PRDX3: variants seen among roughly 807,000 people sequenced by gnomAD.
PRDX3 encodes thioredoxin-dependent peroxide reductase, mitochondrial.
Under a neutral mutation model 30.4 loss-of-function variants are expected in PRDX3, and 20 were observed. The observed-to-expected ratio is 0.66, with a 90% CI of 0.46 to 0.96. The LOEUF is 0.96. Among genes scored for constraint, PRDX3 ranks in the 40% least tolerant of loss-of-function variants. PRDX3 has a pLI of 0.00. For synonymous variants in PRDX3, 124 were observed against 117.8 expected (o/e 1.05, Z -0.34); for missense variants, 322 against 318.3 (o/e 1.01, Z -0.09).
chr10:119,174,765 T>C (rs114062867), intron 2 of PRDX3, 173 bp from the exon 3 acceptor site: 378 of 602,740 alleles, frequency 6.3e-4, no homozygotes, highest in African/African-American at 4.3e-3. Flanking sequence ...TGTGGGGGGA[T>C]TGGTTCTAGG....
At position 119,172,416 on chromosome 10, in the gene PRDX3, C is replaced by T. The variant is rs11554923; in HGVS notation, c.517G>A (p.Gly173Ser). 9 of 1,613,912 alleles carry T rather than the reference C, an allele frequency of 5.6e-6. No homozygotes were observed. Among genetic ancestry groups the T allele is most frequent in the African/African-American group, 4.0e-5 (3 of 74,910 alleles). ...AGACCAGAACCTTCTAACAGCACAC[C>T]GTAGTCTCGGGAAATCTGCTTAGTT... ...DLTKQISRDYGVLLEGSGLAL... is the reference protein window; with the variant it reads ...DLTKQISRDYSVLLEGSGLAL... Residue 173 changes from glycine (G) to serine (S), a missense_variant, in exon 5 of 7, where the codon GGT becomes AGT. Coordinates refer to ENST00000298510, the MANE Select transcript of PRDX3 (RefSeq NM_006793.5).
chr10:119,175,453 T>C (rs1848003924), intron 2 of PRDX3, among the ~76,000 whole-genome samples: 1 of 152,186 alleles, frequency 6.6e-6, no homozygotes, highest in African/African-American at 2.4e-5. Flanking sequence ...TGGAGTGCAG[T>C]GGCACAATCT....
intron 5 of PRDX3, 52 bp from the exon 6 acceptor site, chr10:119,169,394 A>C: frequency 6.9e-7 from 1 of 1,451,822 alleles, no homozygotes; most frequent in Non-Finnish European, 9.4e-7. Context: ...GAACTAGAAC[A>C]GTCTAACTTC....
rs774475347 is a variant in PRDX3 at position 119,173,797 on chromosome 10, A to G, written c.387T>C (p.Val129=). Residue 129 remains valine (V), a synonymous_variant, in exon 4 of 7, where the codon GTT becomes GTC. Transcript: ENST00000298510. ...ANEFHDVNCE[V]VAVSVDSHFS... ...AGTGGGAATCCACTGAGACTGCGAC[A>G]ACTTCACAGTTCACGTCGTGAAATT... 1.9e-5 allele frequency: 30 copies of G among 1,612,850 alleles called. No individual in the cohort carries two copies. Among genetic ancestry groups the G allele is most frequent in the Admixed American group, 5.0e-5 (3 of 60,008 alleles).
chr10:119,177,815 TAAAC>T (rs990665009), intron 1 of PRDX3, among the ~76,000 whole-genome samples: 1 of 150,418 alleles, frequency 6.6e-6, no homozygotes, highest in African/African-American at 2.5e-5. Flanking sequence ...CAGCGACAAG[TAAAC>T]AAGAAGAGCC....
At chr10:119,173,328 G>A (rs781089092) in intron 4 of PRDX3, among the ~76,000 whole-genome samples, 4 of 152,188 alleles carry the variant, frequency 2.6e-5, no homozygotes, top group Non-Finnish European at 5.9e-5. Flanking sequence ...ACCTTGAGTA[G>A]GCCAGGTGTG....
At chr10:119,170,984 A>G (rs927594115) in intron 5 of PRDX3, 1 of 152,216 alleles carries the variant, frequency 6.6e-6, no homozygotes, top group African/African-American at 2.4e-5. Flanking sequence ...GTAACCCAAG[A>G]AAGAGCAGGC....
rs1847803026 is a variant in PRDX3 at position 119,167,853 on chromosome 10, A to G, written c.*627T>C. 6.6e-6 allele frequency: 1 copy of G among 152,280 alleles called. No individual in the cohort carries two copies. Among genetic ancestry groups the G allele is most frequent in the Non-Finnish European group, 1.5e-5 (1 of 68,054 alleles). The allele number at this position is 152,280 out of a possible 1,614,324, so 9.4% of individuals were successfully genotyped here. ...CGATTACACTAATCAATATCTAGAA[A>G]TATACATAGACAAAGTTAGCTAATG... On this transcript the variant is annotated 3_prime_UTR_variant, in exon 7 of 7. Transcript: ENST00000298510.
chr10:119,174,631 G>A lies in PRDX3; in HGVS notation c.170-39C>T, dbSNP rs750812234. On this transcript the variant is annotated intron_variant, in intron 2 of 6. Transcript: ENST00000298510. ...CACACTCATATGGAGTTCATCATTT[G>A]CTATGTCAAGCACCTATGATTTTAT... is the stretch of plus-strand genomic sequence containing the variant. The A allele has an allele frequency of 7.2e-6, 11 of 1,530,878 alleles. No individual in the cohort carries two copies. The African/African-American group carries it at 8.4e-5, about 12-fold the overall frequency. The allele number at this position is 1,530,878 out of a possible 1,614,324, so 94.8% of individuals were successfully genotyped here. A position where few individuals can be genotyped will look rare whatever the true frequency, so the allele number is the denominator to read the frequency against.
chr10:119,171,912 C>T (rs947368167), intron 5 of PRDX3, among the ~76,000 whole-genome samples: 3 of 152,304 alleles, frequency 2.0e-5, no homozygotes, highest in Middle Eastern at 3.4e-3. Context: ...AGTCTGATGG[C>T]TTCAATGTCA....
rs2133647601 is a variant in PRDX3 at position 119,168,544 on chromosome 10, A to G, written c.718-11T>C. 3 of 1,613,460 alleles carry G rather than the reference A, an allele frequency of 1.9e-6. No homozygotes were observed. Among genetic ancestry groups the G allele is most frequent in the South Asian group, 1.1e-5 (1 of 91,020 alleles). ...TGGACTTGGCTTGATCTGAAAATAC[A>G]AAAGCTTAATTAGGTAACTGTGACT... On this transcript the variant is annotated splice_polypyrimidine_tract_variant and intron_variant, in intron 6 of 6. Transcript: ENST00000298510.
chr10:119,177,103 G>A lies in PRDX3; in HGVS notation c.87C>T (p.Ala29=). Residue 29 remains alanine, a synonymous_variant, in exon 2 of 7, where the codon GCC becomes GCT. Transcript: ENST00000298510. ...TTCTTCCACATGCAGCAGGCCTGAG[G>A]GCTGCAGTGGCAGAAATGCCCCAAG... ...AIPWGISATA[A]LRPAACGRTS... is the part of the protein sequence containing the mutation. The A allele has an allele frequency of 6.2e-7, 1 of 1,613,768 alleles. No individual in the cohort carries two copies. Among genetic ancestry groups the A allele is most frequent in the South Asian group, 1.1e-5 (1 of 91,064 alleles).
At chr10:119,174,361 A>G (rs564770712) in intron 3 of PRDX3, 90 bp downstream of exon 3, 1,065 of 1,403,594 alleles carry the variant, frequency 7.6e-4, no homozygotes, top group Non-Finnish European at 9.4e-4. Context: ...TCCTTTCACA[A>G]GGGTATCTAG....
In PRDX3 at chr10:119,177,054, A is replaced by C. The variant is rs550590484; in HGVS notation, c.136T>G (p.Ser46Ala). 8 of 1,614,136 alleles carry C rather than the reference A, an allele frequency of 5.0e-6. No homozygotes were observed. In the South Asian group the frequency reaches 7.7e-5, roughly 16 times the overall value. ...GRTSLTNLLC[S>A]GSSQAKLFST... is the part of the protein sequence containing the mutation. ...AATAATTTTGCTTGACTGGAACCAG[A>C]ACACAATAAATTTGTCAAGCTCGTT... Residue 46 changes from serine (S) to alanine (A), a missense_variant, in exon 2 of 7, where the codon TCT becomes GCT. By Grantham distance (99) the Ser-to-Ala change is moderately conservative. Transcript: ENST00000298510.
At chr10:119,174,358 A>G in intron 3 of PRDX3, 93 bp downstream of exon 3, 1 of 1,399,178 alleles carries the variant, frequency 7.1e-7, no homozygotes, top group Admixed American at 2.4e-5. Context: ...CCTTCCTTTC[A>G]CAAGGGTATC....
chr10:119,169,414 A>C (rs1847853623), intron 5 of PRDX3, 72 bp from the exon 6 acceptor site: 1 of 1,283,306 alleles, frequency 7.8e-7, no homozygotes, highest in African/African-American at 1.5e-5. Flanking sequence ...CTTCCCTTTT[A>C]GGTCTTTAAT....
At chr10:119,170,427 TTC>T (rs1183031772) in intron 5 of PRDX3, 11 of 152,134 alleles carry the variant, frequency 7.2e-5, no homozygotes, top group Non-Finnish European at 1.5e-4. Flanking sequence ...CAGACTCAGC[TTC>T]TCTCTCTTGT....
At chr10:119,175,390 T>C (rs568766443) in intron 2 of PRDX3, among the ~76,000 whole-genome samples, 59 of 152,318 alleles carry the variant, frequency 3.9e-4, no homozygotes, top group African/African-American at 1.4e-3. Context: ...TGGGTCTTCT[T>C]AGCAGGAAAG....
At position 119,178,791 on chromosome 10, in the gene PRDX3, C is replaced by T. The variant is rs1250837190; in HGVS notation, c.-1G>A. On this transcript the variant is annotated 5_prime_UTR_variant, in exon 1 of 7. Coordinates refer to ENST00000298510, the MANE Select transcript of PRDX3 (RefSeq NM_006793.5). ...GCAACCGTCCTACAGCAGCCGCCAT[C>T]TTCAGTGCACTCGGGCGCCACGGGG... The T allele has an allele frequency of 2.6e-6, 4 of 1,552,550 alleles. No individual in the cohort carries two copies. The East Asian group carries it at 9.7e-5, about 38-fold the overall frequency.
Sources: allele counts gnomAD v4.1 joint callset (sites outside exome capture counted in the v4.1 genomes callset), GRCh38; gene constraint gnomAD v4.1.1; transcripts MANE v1.5; gene names NCBI Gene and HGNC (gene_info 2026-07-23, HGNC 2026-07-21).